The following KLHL2 variants were observed in gnomAD, a reference collection of about 807,000 sequenced individuals.
KLHL2 encodes the protein kelch like family member 2, also known as kelch-like protein 2.
In KLHL2, 15 loss-of-function variants were observed where a neutral mutation model predicts 75.8. The observed-to-expected ratio is 0.20, with a 90% CI of 0.13 to 0.30. KLHL2 has a LOEUF of 0.30. KLHL2 is among the 10% of genes least tolerant of loss of function. The pLI is 1.00. For missense variants in KLHL2, 381 were observed against 741.0 expected, an observed-to-expected ratio of 0.51 and a Z score of 5.64; for synonymous variants, 214 against 251.9, an observed-to-expected ratio of 0.85 and a Z score of 1.42.
At chr4:165,296,570 A>G (rs889315654) in intron 6 of KLHL2, among the ~76,000 whole-genome samples, 29 of 152,138 alleles carry the variant, frequency 1.9e-4, no homozygotes, top group African/African-American at 6.0e-4. Flanking sequence ...TTAGGAGGCT[A>G]TCTTTGGAGA....
At chr4:165,289,310 C>T (rs2126466407) in intron 5 of KLHL2, among the ~76,000 whole-genome samples, 1 of 152,066 alleles carries the variant, frequency 6.6e-6, no homozygotes, top group African/African-American at 2.4e-5. Flanking sequence ...ACATCCTTTC[C>T]AAAGAAAGCT....
At chr4:165,301,216 G>T (rs1399605426) in intron 8 of KLHL2, among the ~76,000 whole-genome samples, 4 of 152,114 alleles carry the variant, frequency 2.6e-5, no homozygotes, top group African/African-American at 9.7e-5. Flanking sequence ...GGATCAAATG[G>T]ATTCAAATTT....
At chr4:165,279,864 T>C (rs1191281877) in intron 5 of KLHL2, among the ~76,000 whole-genome samples, 5 of 152,256 alleles carry the variant, frequency 3.3e-5, no homozygotes, top group Non-Finnish European at 5.9e-5. Flanking sequence ...ACTGAGATTA[T>C]CTTTCCCTGC....
intron 9 of KLHL2, among the ~76,000 whole-genome samples, chr4:165,307,086 G>A (rs956690153): frequency 1.3e-5 from 2 of 152,136 alleles, no homozygotes; most frequent in East Asian, 1.9e-4. Context: ...AAGGTGGGCC[G>A]ATCACAAGGT....
At chr4:165,220,094 T>C (rs758691038) in intron 2 of KLHL2, 35 bp downstream of exon 2, 2 of 1,574,086 alleles carry the variant, frequency 1.3e-6, no homozygotes, top group East Asian at 4.5e-5. Context: ...AACCATTGGT[T>C]TCGTCCCTTT....
chr4:165,289,084 T>G (rs1301504344), intron 5 of KLHL2, among the ~76,000 whole-genome samples: 1 of 152,212 alleles, frequency 6.6e-6, no homozygotes, highest in Non-Finnish European at 1.5e-5. Flanking sequence ...GCCAGTCATC[T>G]AGTGCTTCCT....
chr4:165,304,944 G>A (rs1745613145), intron 8 of KLHL2, among the ~76,000 whole-genome samples: 1 of 152,092 alleles, frequency 6.6e-6, no homozygotes, highest in African/African-American at 2.4e-5. Flanking sequence ...TTGAGTTGAG[G>A]GAACTTATAG....
At position 165,322,964 on chromosome 4, in the gene KLHL2, A is replaced by C. The variant is rs902198895; in HGVS notation, c.*904A>C. ...ATGTATGGAATTCAATTGAATTTGC[A>C]TGGTCTTCGGAATTTTTTCTGTGTG... On this transcript the variant is annotated 3_prime_UTR_variant, in exon 15 of 15. Coordinates refer to ENST00000226725, the MANE Select transcript of KLHL2 (RefSeq NM_007246.4). 1 of 152,610 alleles carries C rather than the reference A, an allele frequency of 6.6e-6. No homozygotes were observed. Among genetic ancestry groups the C allele is most frequent in the Non-Finnish European group, 1.5e-5 (1 of 68,024 alleles). 9.5% of individuals were successfully genotyped at this position (152,610 alleles called of 1,614,324 possible). A position where few individuals can be genotyped will look rare whatever the true frequency, so the allele number is the denominator to read the frequency against.
chr4:165,286,245 C>T lies in KLHL2; in HGVS notation c.545-8114C>T, dbSNP rs72995988. ...TTTAGAGGACTGCTTGTATGTGGTA[C>T]TGGTTTCATGGTGTATGGGTGGCTC... On this transcript the variant is annotated intron_variant, in intron 5 of 14. Transcript: ENST00000226725. 3.8e-3 allele frequency among the ~76,000 whole-genome samples: 571 copies of T among 152,166 alleles called. 4 individuals are homozygous for T. Among genetic ancestry groups the T allele is most frequent in the African/African-American group, 0.013 (552 of 41,490 alleles).
intron 2 of KLHL2, among the ~76,000 whole-genome samples, chr4:165,221,733 T>C (rs1206486503): frequency 6.6e-6 from 1 of 152,210 alleles, no homozygotes; most frequent in African/African-American, 2.4e-5. Context: ...ATTGGATCAT[T>C]TAATTTGCTT....
chr4:165,210,045 G>T lies in KLHL2; in HGVS notation c.26+2143G>T, dbSNP rs1248719904. On this transcript the variant is annotated intron_variant, in intron 1 of 14. Transcript: ENST00000226725. ...CTGCCAGAGCTGGGCTAGAACAGAG[G>T]CCAGTGGAAACTATTAGGAAGACTC... The T allele has an allele frequency of 2.6e-6, 4 of 1,549,434 alleles. No homozygotes were observed. In the East Asian group the frequency reaches 9.8e-5, roughly 38 times the overall value.
intron 3 of KLHL2, among the ~76,000 whole-genome samples, chr4:165,229,224 T>C (rs1738693371): frequency 6.6e-6 from 1 of 152,212 alleles, no homozygotes; most frequent in South Asian, 2.1e-4. Flanking sequence ...AGGAAGCCAC[T>C]TTACATTTTT....
chr4:165,310,794 G>T, intron 10 of KLHL2, 44 bp downstream of exon 10: 1 of 1,436,616 alleles, frequency 7.0e-7, no homozygotes, highest in Non-Finnish European at 9.8e-7. Flanking sequence ...TAAAATTAAC[G>T]TAGTAGTCAT....
At chr4:165,296,403 T>A (rs1270328923) in intron 6 of KLHL2, among the ~76,000 whole-genome samples, 1 of 152,192 alleles carries the variant, frequency 6.6e-6, no homozygotes, top group Non-Finnish European at 1.5e-5. Flanking sequence ...AAATGAGCAT[T>A]TCAAGAGAGC....
intron 4 of KLHL2, among the ~76,000 whole-genome samples, chr4:165,257,356 G>A (rs1288881481): frequency 1.3e-5 from 2 of 152,202 alleles, no homozygotes; most frequent in African/African-American, 4.8e-5. Flanking sequence ...GAGAATACCA[G>A]GGGGAAGTAT....
At chr4:165,274,281 G>C (rs1292252323) in intron 5 of KLHL2, among the ~76,000 whole-genome samples, 1 of 152,132 alleles carries the variant, frequency 6.6e-6, no homozygotes, top group Non-Finnish European at 1.5e-5. Context: ...GGACCTCGGG[G>C]TATTGTCTGG....
Position 165,275,384 on chromosome 4 carries a change from A to T in KLHL2, c.544+12025A>T, listed in dbSNP as rs527652395. 1.2e-3 allele frequency among the ~76,000 whole-genome samples: 178 copies of T among 152,268 alleles called. 1 individual carries two copies. Among genetic ancestry groups the T allele is most frequent in the African/African-American group, 3.7e-3 (155 of 41,542 alleles). ...GAACTCATTGGTTTAGATGCATTTTAATAGTTCTAGCAAAAGACTCTTTGG... is the reference window on the plus strand; with the variant it reads ...GAACTCATTGGTTTAGATGCATTTTTATAGTTCTAGCAAAAGACTCTTTGG... On this transcript the variant is annotated intron_variant, in intron 5 of 14. Coordinates refer to ENST00000226725, the MANE Select transcript of KLHL2 (RefSeq NM_007246.4).
At chr4:165,226,931 T>C (rs1290576090) in intron 2 of KLHL2, among the ~76,000 whole-genome samples, 1 of 152,122 alleles carries the variant, frequency 6.6e-6, no homozygotes, top group Non-Finnish European at 1.5e-5. Context: ...ATAAAAATAA[T>C]ACCTTATAAC....
intron 1 of KLHL2, among the ~76,000 whole-genome samples, chr4:165,216,157 G>A (rs976152429): frequency 3.3e-5 from 5 of 152,182 alleles, no homozygotes; most frequent in South Asian, 2.1e-4. Flanking sequence ...CCCTGTTAGA[G>A]TCTTTGTTTT....
Sources: gnomAD v4.1 joint callset for allele counts (sites outside exome capture counted in the v4.1 genomes callset) on GRCh38, gnomAD v4.1.1 for gene constraint, MANE v1.5 for transcripts, NCBI Gene and HGNC (gene_info 2026-07-23, HGNC 2026-07-21) for gene names.